Variants in PPP2R5A observed in about 807,000 individuals in gnomAD.
The protein encoded by PPP2R5A is serine/threonine-protein phosphatase 2A 56 kDa regulatory subunit alpha isoform.
A neutral mutation model predicts 64.2 loss-of-function variants in PPP2R5A; 25 were observed. The observed-to-expected ratio is 0.39, with a 90% confidence interval of 0.28 to 0.54. The LOEUF (loss-of-function observed/expected upper bound fraction) is 0.54, where lower values mean the gene tolerates loss of function less well. Among genes scored for constraint, PPP2R5A ranks in the 20% least tolerant of loss-of-function variants. The probability of loss-of-function intolerance (pLI) is 0.67; values close to 1 mark genes in which losing one functional copy is unlikely to be tolerated. For synonymous variants in PPP2R5A, 198 were observed against 201.2 expected, an observed-to-expected ratio of 0.98 and a Z score of 0.13; for missense variants, 425 against 576.3, an observed-to-expected ratio of 0.74 and a Z score of 2.69.
At chr1:212,294,026 A>T (rs1658649354) in intron 1 of PPP2R5A, among the ~76,000 whole-genome samples, 1 of 152,224 alleles carries the variant, frequency 6.6e-6, no homozygotes, top group Non-Finnish European at 1.5e-5. Flanking sequence ...AACCATTTAG[A>T]TAATAGCTAA....
chr1:212,293,864 A>G (rs1658646400), intron 1 of PPP2R5A, among the ~76,000 whole-genome samples: 1 of 152,290 alleles, frequency 6.6e-6, no homozygotes, highest in Non-Finnish European at 1.5e-5. Flanking sequence ...CTCAGAAGTC[A>G]TTCTGGTTTA....
chr1:212,357,663 C>A (rs1156836373), intron 11 of PPP2R5A, among the ~76,000 whole-genome samples: 2 of 151,962 alleles, frequency 1.3e-5, no homozygotes, highest in East Asian at 3.9e-4. Flanking sequence ...ATTAGCCGGG[C>A]GTGGTGGCGG....
intron 12 of PPP2R5A, 92 bp downstream of exon 12, chr1:212,358,879 T>C: frequency 2.0e-6 from 2 of 982,824 alleles, no homozygotes; most frequent in Non-Finnish European, 3.0e-6. Context: ...TCAGTTCAGA[T>C]TTTCATATTT....
chr1:212,339,063 G>C (rs79958081), intron 3 of PPP2R5A, among the ~76,000 whole-genome samples: 2,172 of 152,134 alleles, frequency 0.014, 50 homozygotes, highest in African/African-American at 0.048. Context: ...AGTGACACTG[G>C]GACAGGATAA....
chr1:212,345,755 T>C (rs745916253), intron 4 of PPP2R5A, 48 bp from the exon 5 acceptor site: 1 of 1,560,302 alleles, frequency 6.4e-7, no homozygotes, highest in Non-Finnish European at 8.6e-7. Flanking sequence ...AGAATAAAGC[T>C]TTAGCTCGAT....
intron 8 of PPP2R5A, among the ~76,000 whole-genome samples, chr1:212,356,090 C>T (rs765371733): frequency 1.7e-4 from 26 of 151,926 alleles, no homozygotes; most frequent in Admixed American, 3.3e-4. Context: ...TAAAAATAGT[C>T]TCTTTTGTTT....
intron 2 of PPP2R5A, chr1:212,331,335 ATT>A (rs60762237): frequency 2.0e-4 from 27 of 132,398 alleles, no homozygotes; most frequent in African/African-American, 1.9e-4. Context: ...TAATTTTTTC[ATT>A]TTTTTTTTTT....
In PPP2R5A at chr1:212,285,922, A is replaced by T; in HGVS notation, c.-189A>T. 2.0e-6 allele frequency: 1 copy of T among 494,958 alleles called. No individual in the cohort carries two copies. Among genetic ancestry groups the T allele is most frequent in the African/African-American group, 2.0e-5 (1 of 48,994 alleles). The allele number at this position is 494,958 out of a possible 1,614,324, so 30.7% of individuals were successfully genotyped here. ...CGGGGACCAGGAACCTCCAGCGCTGAGATGTGGCCGTGAGGCGTTGGCGGG... is the reference window on the plus strand; with the variant it reads ...CGGGGACCAGGAACCTCCAGCGCTGTGATGTGGCCGTGAGGCGTTGGCGGG... On this transcript the variant is annotated 5_prime_UTR_variant, in exon 1 of 13. Coordinates refer to ENST00000261461, the MANE Select transcript of PPP2R5A (RefSeq NM_006243.4).
In PPP2R5A at chr1:212,356,935, A is replaced by AT. The variant is rs1283964011; in HGVS notation, c.979-8dup. On this transcript the variant is annotated splice_polypyrimidine_tract_variant and intron_variant, in intron 9 of 12. Transcript: ENST00000261461. ...AATTTATCATGTTTCTTAAAATAAAATTTTTTTAACCTAGGTGATGTTTTT... is the reference window on the plus strand; with the variant it reads ...AATTTATCATGTTTCTTAAAATAAAATTTTTTTTAACCTAGGTGATGTTTTT... 2.0e-6 allele frequency: 3 copies of AT among 1,507,044 alleles called. No homozygotes were observed. Among genetic ancestry groups the AT allele is most frequent in the Non-Finnish European group, 2.7e-6 (3 of 1,111,746 alleles). The allele number at this position is 1,507,044 out of a possible 1,614,324, so 93.4% of individuals were successfully genotyped here.
In PPP2R5A at chr1:212,328,783, C is replaced by T. The variant is rs75035725; in HGVS notation, c.182-352C>T. ...GAATAGATTTCAAATATGTTAAAGACGCCGAATCAGTAACATTTAATGATT... is the reference window on the plus strand; with the variant it reads ...GAATAGATTTCAAATATGTTAAAGATGCCGAATCAGTAACATTTAATGATT... On this transcript the variant is annotated intron_variant, in intron 1 of 12. Coordinates refer to ENST00000261461, the MANE Select transcript of PPP2R5A (RefSeq NM_006243.4). Among the ~76,000 whole-genome samples the T allele has an allele frequency of 7.4e-3, 1,127 of 152,174 alleles. 4 individuals carry two copies. Among genetic ancestry groups the T allele is most frequent in the Non-Finnish European group, 8.3e-3 (562 of 68,016 alleles).
At chr1:212,291,474 A>G (rs902360784) in intron 1 of PPP2R5A, among the ~76,000 whole-genome samples, 1 of 152,240 alleles carries the variant, frequency 6.6e-6, no homozygotes, top group African/African-American at 2.4e-5. Context: ...GGCCTAAGGT[A>G]AAATCCACTT....
chr1:212,348,747 T>C (rs1351968198), intron 7 of PPP2R5A, among the ~76,000 whole-genome samples: 1 of 152,224 alleles, frequency 6.6e-6, no homozygotes, highest in Non-Finnish European at 1.5e-5. Flanking sequence ...GGTCTTGACC[T>C]AATTATGTGA....
intron 8 of PPP2R5A, among the ~76,000 whole-genome samples, chr1:212,351,998 ATTTTAT>A (rs1378070947): frequency 2.6e-4 from 39 of 148,722 alleles, no homozygotes; most frequent in Middle Eastern, 6.9e-3. Context: ...TTATTTTATT[ATTTTAT>A]TTTTATTTTA....
chr1:212,355,891 C>A (rs775462830), intron 8 of PPP2R5A, among the ~76,000 whole-genome samples: 5 of 151,754 alleles, frequency 3.3e-5, no homozygotes, highest in Non-Finnish European at 7.4e-5. Flanking sequence ...GATGGTGAAA[C>A]CTGTCTCTAC....
intron 1 of PPP2R5A, among the ~76,000 whole-genome samples, chr1:212,288,474 T>TTTTC (rs1245907932): frequency 6.6e-6 from 1 of 152,182 alleles, no homozygotes; most frequent in East Asian, 1.9e-4. Flanking sequence ...GATATTTGCA[T>TTTTC]GAAAATACAG....
At chr1:212,311,322 G>T (rs989487211) in intron 1 of PPP2R5A, among the ~76,000 whole-genome samples, 1 of 152,082 alleles carries the variant, frequency 6.6e-6, no homozygotes, top group Non-Finnish European at 1.5e-5. Flanking sequence ...CGAAAAATTA[G>T]TCGGGTGTGG....
In PPP2R5A at chr1:212,341,797, C is replaced by T. The variant is rs370874096; in HGVS notation, c.481-391C>T. Among the ~76,000 whole-genome samples, 54 of 152,112 alleles carry T rather than the reference C, an allele frequency of 3.6e-4. No individual in the cohort carries two copies. In the Middle Eastern group the frequency reaches 0.014, roughly 38 times the overall value. On this transcript the variant is annotated intron_variant, in intron 3 of 12. Transcript: ENST00000261461. ...TTGCCCAGGCTGGAGTGCAGTGGTA[C>T]GGCACAGTCACGGCTAACTGCAGCC...
chr1:212,324,407 T>A (rs760584495), intron 1 of PPP2R5A, among the ~76,000 whole-genome samples: 4 of 152,192 alleles, frequency 2.6e-5, no homozygotes, highest in Admixed American at 6.5e-5. Context: ...CGCATGACTG[T>A]ATTTTCCAAT....
rs1160891026 is a variant in PPP2R5A at position 212,361,347 on chromosome 1, A to G, written c.*577A>G. ...CTTAAATCTCCAGGCTTTTTAAAGC[A>G]CAAAATATAAATAAAAGCTGGGAAA... On this transcript the variant is annotated 3_prime_UTR_variant, in exon 13 of 13. Transcript: ENST00000261461. The G allele has an allele frequency of 6.6e-6, 1 of 152,666 alleles. No homozygotes were observed. Among genetic ancestry groups the G allele is most frequent in the Non-Finnish European group, 1.5e-5 (1 of 68,050 alleles). The allele number at this position is 152,666 out of a possible 1,614,324, so 9.5% of individuals were successfully genotyped here. A position where few individuals can be genotyped will look rare whatever the true frequency, so the allele number is the denominator to read the frequency against.
Sources: gnomAD v4.1 joint callset for allele counts (sites outside exome capture counted in the v4.1 genomes callset) on GRCh38, gnomAD v4.1.1 for gene constraint, MANE v1.5 for transcripts, NCBI Gene and HGNC (gene_info 2026-07-23, HGNC 2026-07-21) for gene names.